PRKN: variants seen among roughly 807,000 people sequenced by gnomAD.
PRKN encodes E3 ubiquitin-protein ligase parkin.
Under a neutral mutation model 59.5 loss-of-function variants are expected in PRKN, and 56 were observed. The observed-to-expected ratio is 0.94, with a 90% CI of 0.76 to 1.18. PRKN has a LOEUF of 1.18. Ranked by LOEUF, PRKN falls within the 50% of genes most tolerant of loss-of-function variation. PRKN has a pLI of 0.00. For missense variants in PRKN, 657 were observed against 596.4 expected (o/e 1.10, Z -1.06); for synonymous variants, 250 against 222.1 (o/e 1.13, Z -1.12).
chr6:162,201,419 A>G (rs1424820573), intron 3 of PRKN, among the ~76,000 whole-genome samples, 167 bp from the exon 4 acceptor site: 1 of 152,228 alleles, frequency 6.6e-6, no homozygotes, highest in Non-Finnish European at 1.5e-5. Context: ...TTTAATTTAG[A>G]AAATCTAACT....
intron 2 of PRKN, among the ~76,000 whole-genome samples, chr6:162,286,085 T>C (rs1244699367): frequency 6.6e-6 from 1 of 152,112 alleles, no homozygotes; most frequent in African/African-American, 2.4e-5. Flanking sequence ...CAATAAACTT[T>C]CTAGAGATTA....
rs144623888 is a variant in PRKN, at chr6:161,396,273, T to G, written c.1084-9396A>C. Among the ~76,000 whole-genome samples the G allele has an allele frequency of 3.9e-5, 6 of 152,180 alleles. No homozygotes were observed. Among genetic ancestry groups the G allele is most frequent in the Non-Finnish European group, 8.8e-5 (6 of 68,030 alleles). On this transcript the variant is annotated intron_variant, in intron 9 of 11. Coordinates refer to ENST00000366898, the MANE Select transcript of PRKN (RefSeq NM_004562.3). The surrounding 1 kb of genome is among the most constrained non-coding windows in gnomAD (Gnocchi z 5.4). ...TCCCAAAGGCTAAGGTAGGACCTGG[T>G]TGCAAGCTGGAACTCTTGTTCAATG...
chr6:162,266,809 G>A (rs1237520952), intron 2 of PRKN, among the ~76,000 whole-genome samples: 1 of 152,158 alleles, frequency 6.6e-6, no homozygotes, highest in African/African-American at 2.4e-5. Flanking sequence ...CCATTTATGA[G>A]TTTCAGAAAA....
intron 4 of PRKN, among the ~76,000 whole-genome samples, chr6:162,146,966 G>GGA (rs1782056718): frequency 6.6e-6 from 1 of 151,770 alleles, no homozygotes; most frequent in Non-Finnish European, 1.5e-5. Flanking sequence ...CCTGACCTCA[G>GGA]GTGATCCACC....
intron 1 of PRKN, among the ~76,000 whole-genome samples, chr6:162,443,790 A>C (rs150240315): frequency 1.7e-3 from 257 of 152,276 alleles, no homozygotes; most frequent in African/African-American, 5.9e-3. Flanking sequence ...AAAGAGTCCC[A>C]TGAGTTTATT....
chr6:161,500,261 C>A (rs1259254492), intron 9 of PRKN, among the ~76,000 whole-genome samples: 1 of 152,160 alleles, frequency 6.6e-6, no homozygotes, highest in Non-Finnish European at 1.5e-5. Context: ...TATCAGTGTT[C>A]CCCACAAGAG....
chr6:162,132,110 GAC>G (rs1781386529), intron 4 of PRKN, among the ~76,000 whole-genome samples: 1 of 152,192 alleles, frequency 6.6e-6, no homozygotes, highest in Non-Finnish European at 1.5e-5. Flanking sequence ...GGAAGGAGTG[GAC>G]ACAGAGAGGA....
At chr6:161,923,675 T>C (rs1023654877) in intron 6 of PRKN, among the ~76,000 whole-genome samples, 89 of 152,318 alleles carry the variant, frequency 5.8e-4, no homozygotes, top group African/African-American at 2.1e-3. Flanking sequence ...ATTGTTGCTA[T>C]GTAGCGTCTG....
intron 1 of PRKN, among the ~76,000 whole-genome samples, chr6:162,665,509 A>C (rs1011903006): frequency 1.3e-4 from 20 of 152,114 alleles, no homozygotes; most frequent in African/African-American, 4.8e-4. Context: ...GGGAACTACA[A>C]ATCACTGCTC....
chr6:162,568,227 T>C (rs1583822000), intron 1 of PRKN, among the ~76,000 whole-genome samples: 1 of 152,210 alleles, frequency 6.6e-6, no homozygotes, highest in African/African-American at 2.4e-5. Flanking sequence ...TCTTGAGCAA[T>C]ACCCCACAAG....
intron 6 of PRKN, among the ~76,000 whole-genome samples, chr6:161,837,576 A>T (rs1055014368): frequency 5.5e-5 from 7 of 127,322 alleles, no homozygotes; most frequent in Non-Finnish European, 9.4e-5. Context: ...TTTTTCCTTT[A>T]AAAAAAAAAA....
At chr6:161,569,276 C>G (rs1265240519) in intron 8 of PRKN, 79 bp downstream of exon 8, 16 of 1,316,890 alleles carry the variant, frequency 1.2e-5, no homozygotes, top group Non-Finnish European at 1.6e-5. Context: ...CATACTCGGC[C>G]TCCCTGGGGA....
intron 7 of PRKN, among the ~76,000 whole-genome samples, chr6:161,710,383 C>T (rs935290883): frequency 2.0e-5 from 3 of 152,166 alleles, no homozygotes; most frequent in African/African-American, 7.2e-5. Context: ...CCATTTGTGA[C>T]TTAATGATAT....
intron 9 of PRKN, among the ~76,000 whole-genome samples, chr6:161,435,221 A>G (rs1269265780): frequency 6.6e-6 from 1 of 152,172 alleles, no homozygotes; most frequent in Non-Finnish European, 1.5e-5. Flanking sequence ...TCACTCTAAA[A>G]TCATTTTGCA....
At chr6:161,830,764 AT>A (rs1792465014) in intron 6 of PRKN, among the ~76,000 whole-genome samples, 1 of 152,132 alleles carries the variant, frequency 6.6e-6, no homozygotes, top group African/African-American at 2.4e-5. Flanking sequence ...CATACTTATG[AT>A]TTTTTACTTA....
intron 7 of PRKN, among the ~76,000 whole-genome samples, chr6:161,736,821 A>T (rs1365425224): frequency 6.6e-6 from 1 of 152,218 alleles, no homozygotes; most frequent in Non-Finnish European, 1.5e-5. Context: ...TCTGGGTCAG[A>T]AGGGTAAGCC....
At chr6:162,033,972 C>A (rs990668900) in intron 5 of PRKN, among the ~76,000 whole-genome samples, 4 of 152,012 alleles carry the variant, frequency 2.6e-5, no homozygotes, top group African/African-American at 9.7e-5. Flanking sequence ...ATGGAAGCTG[C>A]CCTTTGATGT....
chr6:162,539,706 T>A (rs1015125314), intron 1 of PRKN, among the ~76,000 whole-genome samples: 2 of 152,150 alleles, frequency 1.3e-5, no homozygotes, highest in Non-Finnish European at 2.9e-5. Context: ...AAATCCCTAT[T>A]CACATCTACG....
chr6:162,678,634 T>A (rs1779647678), intron 1 of PRKN, among the ~76,000 whole-genome samples: 1 of 152,212 alleles, frequency 6.6e-6, no homozygotes. Context: ...TGTCTATGTT[T>A]TATTGGGTTG....
Sources: allele counts gnomAD v4.1 joint callset (sites outside exome capture counted in the v4.1 genomes callset), GRCh38; gene constraint gnomAD v4.1.1; non-coding constraint Gnocchi (gnomAD v3.1); transcripts MANE v1.5; gene names NCBI Gene and HGNC (gene_info 2026-07-23, HGNC 2026-07-21).